PTPRD: variants seen among roughly 807,000 people sequenced by gnomAD.
The protein encoded by PTPRD is receptor-type tyrosine-protein phosphatase delta.
In PTPRD, 34 loss-of-function variants were observed where a neutral mutation model predicts 214.5. That is an observed-to-expected ratio of 0.16 (90% CI 0.12 to 0.21). The LOEUF (loss-of-function observed/expected upper bound fraction) is 0.21. Among genes scored for constraint, PTPRD ranks in the 10% least tolerant of loss-of-function variants. The probability of loss-of-function intolerance (pLI) is 1.00; values close to 1 mark genes in which losing one functional copy is unlikely to be tolerated. For missense variants in PTPRD, 2,545 were observed against 2,398.7 expected, an observed-to-expected ratio of 1.06 and a Z score of -1.27; for synonymous variants, 1,128 against 845.7, an observed-to-expected ratio of 1.33 and a Z score of -5.79.
At chr9:9,884,396 A>G (rs1416895556) in intron 5 of PTPRD, among the ~76,000 whole-genome samples, 1 of 152,170 alleles carries the variant, frequency 6.6e-6, no homozygotes, top group Non-Finnish European at 1.5e-5. Context: ...TCAGGAAGAT[A>G]CCTCTTCTCA....
chr9:8,340,199 A>T (rs1851169889), intron 42 of PTPRD, 144 bp downstream of exon 42: 1 of 957,322 alleles, frequency 1.0e-6, no homozygotes, highest in African/African-American at 1.6e-5. Flanking sequence ...TTTAGAAACT[A>T]ACAAGGAATG....
chr9:10,272,420 A>G (rs1015230336), intron 3 of PTPRD, among the ~76,000 whole-genome samples: 5 of 152,110 alleles, frequency 3.3e-5, no homozygotes, highest in Non-Finnish European at 7.4e-5. Flanking sequence ...TTTACGTACA[A>G]ATTTTGGGGT....
chr9:8,505,643 A>AG (rs2097529518), intron 22 of PTPRD, among the ~76,000 whole-genome samples: 3 of 123,312 alleles, frequency 2.4e-5, no homozygotes, highest in Non-Finnish European at 5.6e-5. Flanking sequence ...AAAAAAAAAA[A>AG]AAGAAGAAGA....
intron 8 of PTPRD, chr9:9,442,519 T>A (rs527305098): frequency 6.6e-6 from 1 of 152,336 alleles, no homozygotes; most frequent in South Asian, 2.1e-4. Flanking sequence ...GTAATTTAGA[T>A]AAACTCCACT....
At chr9:10,189,491 A>G (rs1013205538) in intron 3 of PTPRD, among the ~76,000 whole-genome samples, 2 of 152,160 alleles carry the variant, frequency 1.3e-5, no homozygotes, top group African/African-American at 2.4e-5. Context: ...TAAGTCACAA[A>G]TCCAGCTCAG....
intron 2 of PTPRD, among the ~76,000 whole-genome samples, chr9:10,581,806 G>A (rs867823441): frequency 7.2e-5 from 11 of 152,094 alleles, no homozygotes; most frequent in Admixed American, 7.2e-4. Context: ...TTTTTAACAA[G>A]TGAAGATACT....
chr9:8,500,858 T>C lies in PTPRD; in HGVS notation c.2024A>G (p.Glu675Gly). 6.2e-7 allele frequency: 1 copy of C among 1,614,154 alleles called. No individual in the cohort carries two copies. Among genetic ancestry groups the C allele is most frequent in the Non-Finnish European group, 8.5e-7 (1 of 1,180,008 alleles). Residue 675 changes from glutamate (E) to glycine (G), a missense_variant, in exon 24 of 46, where the codon GAA becomes GGA. Transcript: ENST00000381196. ...IPSDTTKYLL[E>G]QLEKWTEYRI... Reference sequence around the variant, plus strand: ...GTATTCAGTCCATTTTTCCAGCTGTTCCAAAAGGTATTTGGTAGTGTCCGA... The same window carrying C: ...GTATTCAGTCCATTTTTCCAGCTGTCCCAAAAGGTATTTGGTAGTGTCCGA...
chr9:10,312,049 T>C (rs969931664), intron 3 of PTPRD, among the ~76,000 whole-genome samples: 2 of 151,984 alleles, frequency 1.3e-5, no homozygotes, highest in Non-Finnish European at 2.9e-5. Flanking sequence ...TCATTGTTAT[T>C]ATTCACCTTT....
intron 3 of PTPRD, among the ~76,000 whole-genome samples, chr9:10,313,677 C>T (rs1319044635): frequency 1.3e-5 from 2 of 151,894 alleles, no homozygotes; most frequent in Non-Finnish European, 2.9e-5. Context: ...AGTCTACTGC[C>T]AGTTCCCAGG....
intron 11 of PTPRD, among the ~76,000 whole-genome samples, chr9:8,871,013 T>C (rs180989107): frequency 6.6e-5 from 10 of 152,294 alleles, no homozygotes; most frequent in Non-Finnish European, 1.5e-4. Flanking sequence ...GACCACTAGG[T>C]GCCCCCTCCT....
intron 5 of PTPRD, among the ~76,000 whole-genome samples, chr9:9,885,697 C>A (rs1029844718): frequency 2.0e-5 from 3 of 151,944 alleles, no homozygotes; most frequent in South Asian, 4.2e-4. Flanking sequence ...AGAATGTGGG[C>A]AACCTCCAGA....
chr9:8,506,603 G>A (rs1001808190), intron 22 of PTPRD, among the ~76,000 whole-genome samples: 7 of 152,156 alleles, frequency 4.6e-5, no homozygotes, highest in Admixed American at 1.3e-4. Context: ...TTTATTATAC[G>A]TCAAATCGAT....
At chr9:9,094,253 A>C (rs575418350) in intron 10 of PTPRD, among the ~76,000 whole-genome samples, 16 of 152,258 alleles carry the variant, frequency 1.1e-4, no homozygotes, top group African/African-American at 3.1e-4. Flanking sequence ...ACAACTCTCA[A>C]TTGCAAAGGT....
chr9:10,389,218 C>T (rs1407890849), intron 2 of PTPRD, among the ~76,000 whole-genome samples: 2 of 151,772 alleles, frequency 1.3e-5, no homozygotes, highest in African/African-American at 2.4e-5. Context: ...GTTTTTCACA[C>T]ATTATTTTGT....
chr9:9,847,099 AC>A (rs2059681925), intron 5 of PTPRD, among the ~76,000 whole-genome samples: 1 of 152,138 alleles, frequency 6.6e-6, no homozygotes, highest in African/African-American at 2.4e-5. Context: ...TTTTTCTTTA[AC>A]TTAAATACTC....
intron 5 of PTPRD, among the ~76,000 whole-genome samples, chr9:9,874,999 T>C (rs2066455239): frequency 6.6e-6 from 1 of 152,168 alleles, no homozygotes; most frequent in East Asian, 1.9e-4. Context: ...GCACAATCAC[T>C]TGTTTCCTGC....
At chr9:9,284,700 G>A (rs1459727404) in intron 9 of PTPRD, among the ~76,000 whole-genome samples, 2 of 151,840 alleles carry the variant, frequency 1.3e-5, no homozygotes, top group East Asian at 2.0e-4. Context: ...AATGAAGACA[G>A]CCTTTTAGAG....
In PTPRD at chr9:8,428,869, G is replaced by A. The variant is rs182568763; in HGVS notation, c.4086+7723C>T. Among the ~76,000 whole-genome samples, 12 of 152,300 alleles carry A rather than the reference G, an allele frequency of 7.9e-5. No homozygotes were observed. The East Asian group carries it at 1.4e-3, about 17-fold the overall frequency. On this transcript the variant is annotated intron_variant, in intron 35 of 45. Transcript: ENST00000381196. ...ACTGTTTTACTAATGATGGTTCTGC[G>A]CCTGTGAATACACTGTGGCACATGT...
At chr9:8,965,826 T>C (rs1271130577) in intron 11 of PTPRD, among the ~76,000 whole-genome samples, 2 of 152,116 alleles carry the variant, frequency 1.3e-5, no homozygotes, top group African/African-American at 4.8e-5. Context: ...GGCATCCAAA[T>C]AGGAAAAGAA....
Sources: allele counts gnomAD v4.1 joint callset (sites outside exome capture counted in the v4.1 genomes callset), GRCh38; gene constraint gnomAD v4.1.1; transcripts MANE v1.5; gene names NCBI Gene and HGNC (gene_info 2026-07-23, HGNC 2026-07-21).